The following SCEL variants were observed in gnomAD, a reference collection of about 807,000 sequenced individuals.
SCEL encodes sciellin.
SCEL carries 113 observed loss-of-function variants against 117.6 expected under a neutral mutation model. The observed-to-expected ratio is 0.96, with a 90% CI of 0.83 to 1.12. SCEL has a LOEUF of 1.12. Among genes scored for constraint, SCEL ranks in the 50% most tolerant of loss-of-function variants. The probability of loss-of-function intolerance (pLI) is 0.00; values close to 1 mark genes in which losing one functional copy is unlikely to be tolerated. For missense variants in SCEL, 785 were observed against 810.8 expected (o/e 0.97, Z 0.39); for synonymous variants, 270 against 256.2 (o/e 1.05, Z -0.51).
At chr13:77,629,358 C>T (rs2089923740) in intron 28 of SCEL, among the ~76,000 whole-genome samples, 1 of 147,052 alleles carries the variant, frequency 6.8e-6, no homozygotes, top group Admixed American at 6.9e-5. Flanking sequence ...TTATTCTCTG[C>T]TCTTCTGTTT....
Position 77,597,538 on chromosome 13 carries a change from C to T in SCEL, c.753-7C>T, listed in dbSNP as rs780058971. On this transcript the variant is annotated splice_polypyrimidine_tract_variant and splice_region_variant and intron_variant, in intron 12 of 32. Transcript: ENST00000349847. ...CTAATGTTAAACATTTTTTTCTCTT[C>T]CCAAAGTGAAGAATTGGATAATCTC... 40 of 1,483,236 alleles carry T rather than the reference C, an allele frequency of 2.7e-5. No individual in the cohort carries two copies. In the South Asian group the frequency reaches 4.6e-4, roughly 17 times the overall value. The allele number at this position is 1,483,236 out of a possible 1,614,324, so 91.9% of individuals were successfully genotyped here.
At chr13:77,566,017 C>A (rs539470708) in intron 5 of SCEL, among the ~76,000 whole-genome samples, 32 of 152,212 alleles carry the variant, frequency 2.1e-4, no homozygotes, top group African/African-American at 7.5e-4. Flanking sequence ...AGGATAAATA[C>A]AAAATTAATC....
At position 77,591,390 on chromosome 13, in the gene SCEL, T is replaced by C. The variant is rs771164409; in HGVS notation, c.627-5T>C. 7 of 1,548,786 alleles carry C rather than the reference T, an allele frequency of 4.5e-6. No homozygotes were observed. The East Asian group carries it at 1.3e-4, about 30-fold the overall frequency. On this transcript the variant is annotated splice_region_variant and splice_polypyrimidine_tract_variant and intron_variant, in intron 10 of 32. Transcript: ENST00000349847. Reference sequence around the variant, plus strand: ...TGATATAATCTTCTAACTTTGAAAATATAGGCAGATACATCCACCTAAACC... The same window carrying C: ...TGATATAATCTTCTAACTTTGAAAACATAGGCAGATACATCCACCTAAACC...
intron 1 of SCEL, among the ~76,000 whole-genome samples, chr13:77,536,195 A>T (rs1593838652): frequency 1.3e-5 from 2 of 152,242 alleles, no homozygotes; most frequent in Admixed American, 1.3e-4. Flanking sequence ...TTTTTAAAGG[A>T]TCTTTCTGTT....
In SCEL at chr13:77,599,708, C is replaced by T. The variant is rs536392438; in HGVS notation, c.877C>T (p.Leu293Phe). 6.2e-7 allele frequency: 1 copy of T among 1,612,272 alleles called. No homozygotes were observed. The highest frequency in any genetic ancestry group is 8.5e-7 in the Non-Finnish European group (1 of 1,178,304). ...REKRAKSLES[L>F]IYMSTRTDKD... Reference sequence around the variant, plus strand: ...TTTCAGAGCCAAAAGCCTTGAAAGTCTCATCTATATGAGTACCCGGACAGA... The same window carrying T: ...TTTCAGAGCCAAAAGCCTTGAAAGTTTCATCTATATGAGTACCCGGACAGA... Residue 293 changes from leucine to phenylalanine, a missense_variant, in exon 15 of 33, where the codon CTC (leucine) becomes TTC (phenylalanine). Physicochemically the swap from Leu to Phe is conservative, Grantham distance 22. Transcript: ENST00000349847.
chr13:77,628,828 A>G (rs1416811344), intron 28 of SCEL, among the ~76,000 whole-genome samples: 5 of 152,114 alleles, frequency 3.3e-5, no homozygotes, highest in Non-Finnish European at 7.4e-5. Flanking sequence ...CGACAGGTAG[A>G]TAGTTTCTTT....
At chr13:77,594,414 T>TTA (rs1471594340) in intron 12 of SCEL, among the ~76,000 whole-genome samples, 1 of 152,210 alleles carries the variant, frequency 6.6e-6, no homozygotes, top group African/African-American at 2.4e-5. Context: ...TTATACCACA[T>TTA]GGTAGCCTTT....
intron 3 of SCEL, among the ~76,000 whole-genome samples, chr13:77,558,037 C>T (rs2084759451): frequency 6.6e-6 from 1 of 152,218 alleles, no homozygotes; most frequent in African/African-American, 2.4e-5. Flanking sequence ...ACAATCATTT[C>T]CTTCCATGAA....
intron 19 of SCEL, among the ~76,000 whole-genome samples, chr13:77,606,996 A>T (rs1001957361): frequency 6.6e-5 from 10 of 152,232 alleles, no homozygotes; most frequent in African/African-American, 2.4e-4. Context: ...CTAAAGAGTA[A>T]CAAGAAACTA....
Position 77,608,052 on chromosome 13 carries a change from A to G in SCEL, c.1158-4A>G. 1 of 1,609,570 alleles carries G rather than the reference A, an allele frequency of 6.2e-7. No homozygotes were observed. Among genetic ancestry groups the G allele is most frequent in the Non-Finnish European group, 8.5e-7 (1 of 1,177,792 alleles). Reference sequence around the variant, plus strand: ...ATCTTAACCATTTCTTCAATGTTTTAAAGGGGCCAGAGCCTTGATAATCTC... The same window carrying G: ...ATCTTAACCATTTCTTCAATGTTTTGAAGGGGCCAGAGCCTTGATAATCTC... On this transcript the variant is annotated splice_region_variant and splice_polypyrimidine_tract_variant and intron_variant, in intron 19 of 32. Transcript: ENST00000349847.
At chr13:77,536,209 A>G (rs994924061) in intron 1 of SCEL, among the ~76,000 whole-genome samples, 13 of 152,310 alleles carry the variant, frequency 8.5e-5, no homozygotes, top group African/African-American at 2.6e-4. Context: ...TTCTGTTTTC[A>G]TAAATGATGC....
intron 12 of SCEL, among the ~76,000 whole-genome samples, chr13:77,594,563 C>T (rs2087109339): frequency 6.6e-6 from 1 of 152,126 alleles, no homozygotes; most frequent in Non-Finnish European, 1.5e-5. Flanking sequence ...CTTAGAGTTG[C>T]ACTATTCATA....
At position 77,543,082 on chromosome 13, in the gene SCEL, C is replaced by T. The variant is rs7335682; in HGVS notation, c.-20+7258C>T. Among the ~76,000 whole-genome samples the T allele has an allele frequency of 5.2e-3, 631 of 122,452 alleles. 7 individuals are homozygous for T. The highest frequency in any genetic ancestry group is 0.019 in the African/African-American group (590 of 31,358). 80.3% of individuals were successfully genotyped at this position (122,452 alleles called of 152,430 possible). A position where few individuals can be genotyped will look rare whatever the true frequency, so the allele number is the denominator to read the frequency against. ...TATTTGTTTATTTATTCTACTTTAGCTTTTTTTTTTTTTTTTTTTGAGACG... is the reference window on the plus strand; with the variant it reads ...TATTTGTTTATTTATTCTACTTTAGTTTTTTTTTTTTTTTTTTTTGAGACG... On this transcript the variant is annotated intron_variant, in intron 1 of 32. Transcript: ENST00000349847.
intron 27 of SCEL, among the ~76,000 whole-genome samples, chr13:77,619,038 T>G (rs1475447107): frequency 6.6e-6 from 1 of 152,220 alleles, no homozygotes; most frequent in Non-Finnish European, 1.5e-5. Context: ...AAGAGTGCAC[T>G]GTATCAGAAG....
At chr13:77,633,178 T>A (rs1288687160) in intron 28 of SCEL, among the ~76,000 whole-genome samples, 2 of 152,054 alleles carry the variant, frequency 1.3e-5, no homozygotes, top group African/African-American at 2.4e-5. Context: ...GGCTCACGCC[T>A]GTAATCCCAG....
chr13:77,590,490 T>G (rs1486823234), intron 10 of SCEL, among the ~76,000 whole-genome samples: 2 of 152,098 alleles, frequency 1.3e-5, no homozygotes, highest in Admixed American at 6.6e-5. Context: ...TAAATCCCAA[T>G]TTGAATAGAA....
chr13:77,537,230 T>C (rs1339785245), intron 1 of SCEL, among the ~76,000 whole-genome samples: 1 of 152,210 alleles, frequency 6.6e-6, no homozygotes, highest in Admixed American at 6.5e-5. Context: ...GACAGAATAT[T>C]TCAACTGAAA....
chr13:77,546,898 G>T (rs994290962), intron 1 of SCEL, among the ~76,000 whole-genome samples: 23 of 152,168 alleles, frequency 1.5e-4, no homozygotes, highest in Middle Eastern at 3.2e-3. Context: ...CAAGAGGACT[G>T]CTCCTCCCTC....
chr13:77,545,690 G>A (rs1054781329), intron 1 of SCEL, among the ~76,000 whole-genome samples: 1 of 152,188 alleles, frequency 6.6e-6, no homozygotes, highest in African/African-American at 2.4e-5. Context: ...CCCAAAGAGG[G>A]GGCATTAGGA....
Sources: gnomAD v4.1 joint callset for allele counts (sites outside exome capture counted in the v4.1 genomes callset) on GRCh38, gnomAD v4.1.1 for gene constraint, MANE v1.5 for transcripts, NCBI Gene and HGNC (gene_info 2026-07-23, HGNC 2026-07-21) for gene names.